The following IL15 variants were observed in gnomAD, a reference collection of about 807,000 sequenced individuals.
IL15 encodes interleukin 15.
A neutral mutation model predicts 19.6 loss-of-function variants in IL15; 11 were observed. That is an observed-to-expected ratio of 0.56 (90% CI 0.35 to 0.93). IL15 has a LOEUF of 0.93. Among genes scored for constraint, IL15 ranks in the 40% least tolerant of loss-of-function variants. The pLI is 0.01. For missense variants in IL15, 197 were observed against 186.5 expected (o/e 1.06, Z -0.33); for synonymous variants, 58 against 59.6 (o/e 0.97, Z 0.12).
intron 2 of IL15, 94 bp downstream of exon 2, chr4:141,656,401 G>GTT: frequency 2.5e-6 from 1 of 394,984 alleles, no homozygotes; most frequent in East Asian, 3.6e-5. Context: ...AACAGGTGAA[G>GTT]TTATATATAC....
chr4:141,696,925 A>G (rs1332169991), intron 2 of IL15, among the ~76,000 whole-genome samples: 1 of 151,838 alleles, frequency 6.6e-6, no homozygotes, highest in Non-Finnish European at 1.5e-5. Flanking sequence ...TTTTGTCAGT[A>G]CATAGTTTGC....
intron 2 of IL15, among the ~76,000 whole-genome samples, chr4:141,683,278 A>G (rs1439823479): frequency 6.6e-6 from 1 of 151,210 alleles, no homozygotes; most frequent in Non-Finnish European, 1.5e-5. Context: ...AAAAACAAAC[A>G]AAAAACAATA....
At chr4:141,703,986 A>G (rs1579036206) in intron 2 of IL15, among the ~76,000 whole-genome samples, 2 of 152,160 alleles carry the variant, frequency 1.3e-5, no homozygotes, top group East Asian at 3.9e-4. Flanking sequence ...TTTAATATAT[A>G]AAGTTTTATC....
Position 141,703,736 on chromosome 4 carries a change from G to GAAA in IL15, c.-99-15614_-99-15612dup, listed in dbSNP as rs569683867. Among the ~76,000 whole-genome samples the GAAA allele has an allele frequency of 1.7e-3, 158 of 92,762 alleles. 1 individual carries two copies. Among genetic ancestry groups the GAAA allele is most frequent in the East Asian group, 3.5e-3 (10 of 2,840 alleles). 60.9% of individuals were successfully genotyped at this position (92,762 alleles called of 152,430 possible). ...AACACTGCCTCCTATCTGCTATCTT[G>GAAA]AAAAAAAAAAAAAAAAAAGGTGTAT... On this transcript the variant is annotated intron_variant, in intron 2 of 7. Transcript: ENST00000320650.
At chr4:141,652,250 TCTC>T (rs1727433105) in intron 1 of IL15, among the ~76,000 whole-genome samples, 1 of 152,108 alleles carries the variant, frequency 6.6e-6, no homozygotes, top group Non-Finnish European at 1.5e-5. Context: ...AACGGACTAT[TCTC>T]CTATTGTGAG....
chr4:141,648,669 A>G (rs1727307332), intron 1 of IL15, among the ~76,000 whole-genome samples: 1 of 152,064 alleles, frequency 6.6e-6, no homozygotes, highest in African/African-American at 2.4e-5. Flanking sequence ...GTATCTTTAG[A>G]TTCTACTCCT....
Position 141,720,472 on chromosome 4 carries a change from C to G in IL15, c.16C>G (p.Pro6Ala), listed in dbSNP as rs775361817. 42 of 1,543,088 alleles carry G rather than the reference C, an allele frequency of 2.7e-5. No homozygotes were observed. In the South Asian group the frequency reaches 4.4e-4, roughly 16 times the overall value. Reference sequence around the variant, plus strand: ...TGTCTATGATTATATTTTTCAGAAACCACATTTGAGAAGTATTTCCATCCA... The same window carrying G: ...TGTCTATGATTATATTTTTCAGAAAGCACATTTGAGAAGTATTTCCATCCA... MRISKPHLRSISIQCY... is the reference protein window; with the variant it reads MRISKAHLRSISIQCY... Residue 6 changes from proline (P) to alanine (A), a missense_variant, in exon 4 of 8, where the codon CCA (proline) becomes GCA (alanine). Physicochemically the swap from Pro to Ala is conservative, Grantham distance 27. Transcript: ENST00000320650.
At chr4:141,659,175 T>C (rs1727706812) in intron 2 of IL15, among the ~76,000 whole-genome samples, 1 of 149,048 alleles carries the variant, frequency 6.7e-6, no homozygotes, top group Admixed American at 6.7e-5. Flanking sequence ...TATTAAGAAT[T>C]CCCCAAACTC....
At chr4:141,693,483 G>C (rs1466442376) in intron 2 of IL15, among the ~76,000 whole-genome samples, 1 of 152,160 alleles carries the variant, frequency 6.6e-6, no homozygotes, top group Non-Finnish European at 1.5e-5. Flanking sequence ...AATATCTGCT[G>C]AACAGAACTG....
chr4:141,729,748 A>G (rs7349640), intron 6 of IL15, 99 bp from the exon 7 acceptor site: 88,113 of 689,264 alleles, frequency 0.13, 6,226 homozygotes, highest in Non-Finnish European at 0.15. Flanking sequence ...GTGTATCTTT[A>G]TAAAATATTT....
At chr4:141,666,027 C>T (rs750413467) in intron 2 of IL15, among the ~76,000 whole-genome samples, 25 of 151,878 alleles carry the variant, frequency 1.6e-4, no homozygotes. Context: ...CTCTTTAGGG[C>T]TCAGAAGCAG....
intron 1 of IL15, among the ~76,000 whole-genome samples, chr4:141,638,181 A>G (rs1726924779): frequency 6.6e-6 from 1 of 152,238 alleles, no homozygotes; most frequent in African/African-American, 2.4e-5. Context: ...ATGGGAAGGA[A>G]CATAAAGACA....
rs1352542646 is a variant in IL15 at position 141,703,022 on chromosome 4, C to A, written c.-99-16344C>A. Among the ~76,000 whole-genome samples, 3 of 152,152 alleles carry A rather than the reference C, an allele frequency of 2.0e-5. No individual in the cohort carries two copies. The East Asian group carries it at 5.8e-4, about 29-fold the overall frequency. ...TGCCTCTGCTATGCAGAAGATTTCA[C>A]AAAGGGAGTGGGGAGTAGCCGGCAG... On this transcript the variant is annotated intron_variant, in intron 2 of 7. Coordinates refer to ENST00000320650, the MANE Select transcript of IL15 (RefSeq NM_000585.5).
intron 5 of IL15, among the ~76,000 whole-genome samples, chr4:141,726,934 T>C (rs79750592): frequency 0.026 from 4,005 of 152,204 alleles, 183 homozygotes; most frequent in African/African-American, 0.091. Flanking sequence ...GTCATATTGT[T>C]GAGTGAAAGA....
At chr4:141,639,136 A>G (rs1300628173) in intron 1 of IL15, among the ~76,000 whole-genome samples, 1 of 152,158 alleles carries the variant, frequency 6.6e-6, no homozygotes, top group East Asian at 1.9e-4. Flanking sequence ...TAGGCAATAT[A>G]TTTTACAGCT....
At chr4:141,727,483 GTGA>G (rs1730308506) in intron 5 of IL15, among the ~76,000 whole-genome samples, 1 of 152,108 alleles carries the variant, frequency 6.6e-6, no homozygotes, top group African/African-American at 2.4e-5. Context: ...GAGAGATTGG[GTGA>G]TGATGAGGTA....
At chr4:141,719,717 G>T (rs1730010586) in intron 3 of IL15, among the ~76,000 whole-genome samples, 1 of 151,958 alleles carries the variant, frequency 6.6e-6, no homozygotes, top group Non-Finnish European at 1.5e-5. Flanking sequence ...CCACTCTTTT[G>T]TGTTCTCTAA....
intron 1 of IL15, among the ~76,000 whole-genome samples, chr4:141,651,052 G>T (rs1578989298): frequency 6.6e-6 from 1 of 151,978 alleles, no homozygotes; most frequent in Admixed American, 6.6e-5. Flanking sequence ...AGATGGGAAT[G>T]ATGGTAGTCT....
intron 2 of IL15, among the ~76,000 whole-genome samples, chr4:141,680,992 C>T (rs1279038697): frequency 6.6e-6 from 1 of 152,146 alleles, no homozygotes; most frequent in Non-Finnish European, 1.5e-5. Context: ...TTGTTCTCCA[C>T]TTACATTTTG....
Sources: gnomAD v4.1 joint callset for allele counts (sites outside exome capture counted in the v4.1 genomes callset) on GRCh38, gnomAD v4.1.1 for gene constraint, MANE v1.5 for transcripts, NCBI Gene and HGNC (gene_info 2026-07-23, HGNC 2026-07-21) for gene names.